The following ZNF831 variants were observed in gnomAD, a reference collection of about 807,000 sequenced individuals.
ZNF831 encodes the protein zinc finger protein 831, also known as chromosome 20 open reading frame 174.
Under a neutral mutation model 95.8 loss-of-function variants are expected in ZNF831, and 59 were observed. The ratio of observed to expected loss-of-function variants is 0.62; its 90% confidence interval spans 0.50 to 0.77. ZNF831 has a LOEUF of 0.77. Ranked by LOEUF, ZNF831 falls within the 30% of genes least tolerant of loss-of-function variation. The pLI is 0.00. For missense variants in ZNF831, 2,205 were observed against 2,164.0 expected (o/e 1.02, Z -0.38); for synonymous variants, 961 against 925.5 (o/e 1.04, Z -0.70).
intron 2 of ZNF831, among the ~76,000 whole-genome samples, chr20:59,149,551 A>C (rs1351521705): frequency 2.6e-5 from 4 of 152,236 alleles, no homozygotes; most frequent in Non-Finnish European, 4.4e-5. Flanking sequence ...TATTGATCTT[A>C]CTATAAAATA....
At chr20:59,253,869 C>CCGT in intron 5 of ZNF831, 29 bp from the exon 6 acceptor site, 1 of 1,067,574 alleles carries the variant, frequency 9.4e-7, no homozygotes, top group Non-Finnish European at 1.2e-6. Flanking sequence ...TCCCCCCCCA[C>CCGT]TTTTTTTTTC....
At position 59,164,468 on chromosome 20, in the gene ZNF831, T is replaced by C. The variant is rs1409717436; in HGVS notation, c.-37+261T>C. Among the ~76,000 whole-genome samples the C allele has an allele frequency of 1.5e-4, 23 of 152,204 alleles. 1 individual carries two copies. Among genetic ancestry groups the C allele is most frequent in the Non-Finnish European group, 4.4e-5 (3 of 68,022 alleles). Reference sequence around the variant, plus strand: ...CCATGTTCTACTAAACAGAAAAACATTTATAAGAAAATTTATTGCTTTATA... The same window carrying C: ...CCATGTTCTACTAAACAGAAAAACACTTATAAGAAAATTTATTGCTTTATA... On this transcript the variant is annotated intron_variant, in intron 1 of 5. Coordinates refer to ENST00000371030, the MANE Select transcript of ZNF831 (RefSeq NM_178457.3).
chr20:59,211,049 G>GAA (rs529852271), intron 4 of ZNF831, among the ~76,000 whole-genome samples: 10 of 60,746 alleles, frequency 1.6e-4, no homozygotes, highest in Admixed American at 5.4e-4. Flanking sequence ...CAAAAAAAAA[G>GAA]AAAAAAAAAA....
At chr20:59,238,487 G>A (rs906691638) in intron 4 of ZNF831, among the ~76,000 whole-genome samples, 80 of 152,244 alleles carry the variant, frequency 5.3e-4, no homozygotes, top group African/African-American at 1.8e-3. Context: ...AAGACCTGGG[G>A]CACTTTAGCC....
At chr20:59,232,797 C>T (rs545854447) in intron 4 of ZNF831, among the ~76,000 whole-genome samples, 1 of 152,218 alleles carries the variant, frequency 6.6e-6, no homozygotes, top group Admixed American at 6.5e-5. Flanking sequence ...AGCCACGGAC[C>T]ACAGATGAGT....
rs2146573765 is a variant in ZNF831 at position 59,192,892 on chromosome 20, G to A, written c.1873G>A (p.Asp625Asn). Residue 625 changes from aspartate to asparagine, a missense_variant, in exon 2 of 6, where the codon GAT becomes AAT. Physicochemically the swap from Asp to Asn is conservative, Grantham distance 23 (BLOSUM62 1). Coordinates refer to ENST00000371030, the MANE Select transcript of ZNF831 (RefSeq NM_178457.3). The surrounding 1 kb of genome is among the most constrained non-coding windows in gnomAD (Gnocchi z 5.2). ...FSQEKWQVYG[D>N]ETFKRIYQKM... ...CCAGGAGAAGTGGCAGGTGTACGGG[G>A]ATGAGACGTTCAAAAGGATCTACCA... 4 of 1,596,828 alleles carry A rather than the reference G, an allele frequency of 2.5e-6. No individual in the cohort carries two copies. The highest frequency in any genetic ancestry group is 3.4e-6 in the Non-Finnish European group (4 of 1,172,604).
intron 4 of ZNF831, among the ~76,000 whole-genome samples, chr20:59,212,189 T>C (rs1357840564): frequency 6.6e-6 from 1 of 152,168 alleles, no homozygotes; most frequent in Non-Finnish European, 1.5e-5. Context: ...GAGAGAGTTT[T>C]TTAAAAAAAT....
chr20:59,176,322 G>A (rs1982154508), intron 1 of ZNF831, among the ~76,000 whole-genome samples: 1 of 152,248 alleles, frequency 6.6e-6, no homozygotes, highest in Non-Finnish European at 1.5e-5. Flanking sequence ...GGAGGTGGAG[G>A]AAGGGATTGA....
At chr20:59,145,304 G>T (rs1471267906) in intron 1 of ZNF831, among the ~76,000 whole-genome samples, 10 of 152,198 alleles carry the variant, frequency 6.6e-5, no homozygotes, top group African/African-American at 2.4e-4. Flanking sequence ...GTGTGTTTGT[G>T]TGTGTCATTG....
chr20:59,148,918 A>G (rs1157597142), intron 2 of ZNF831, among the ~76,000 whole-genome samples: 3 of 152,068 alleles, frequency 2.0e-5, no homozygotes, highest in Non-Finnish European at 4.4e-5. Context: ...ATCCTTCCCC[A>G]GAGCATCTTG....
upstream of ZNF831, among the ~76,000 whole-genome samples, chr20:59,161,984 G>A (rs948512726): frequency 6.6e-6 from 1 of 152,134 alleles, no homozygotes; most frequent in Non-Finnish European, 1.5e-5. Flanking sequence ...GTATCTCATT[G>A]TGGTTTTGAT....
chr20:59,160,038 C>G (rs568845928), upstream of ZNF831: 1 of 152,458 alleles, frequency 6.6e-6, no homozygotes, highest in African/African-American at 2.4e-5. Context: ...CCAGGCACAG[C>G]CAAGGCAGAG....
At chr20:59,171,451 T>C (rs1377133427) in intron 1 of ZNF831, among the ~76,000 whole-genome samples, 1 of 152,264 alleles carries the variant, frequency 6.6e-6, no homozygotes, top group Non-Finnish European at 1.5e-5. Flanking sequence ...GTGAACTTTC[T>C]TACAACAGAA....
Position 59,191,834 on chromosome 20 carries a change from C to T in ZNF831, c.815C>T (p.Ala272Val), listed in dbSNP as rs777486723. The T allele has an allele frequency of 1.9e-6, 3 of 1,613,496 alleles. No individual in the cohort carries two copies. In the South Asian group the frequency reaches 3.3e-5, roughly 18 times the overall value. ...RTEAAPCPGS[A>V]FADREAPWDS... ...GAAGCTGCTCCCTGTCCAGGGTCCG[C>T]ATTTGCCGACAGAGAGGCTCCTTGG... is the stretch of plus-strand genomic sequence containing the variant. Residue 272 changes from alanine to valine, a missense_variant, in exon 2 of 6, where the codon GCA (alanine) becomes GTA (valine). By Grantham distance (64) the Ala-to-Val change is moderately conservative. Coordinates refer to ENST00000371030, the MANE Select transcript of ZNF831 (RefSeq NM_178457.3).
At chr20:59,126,656 C>A (rs1178667183) in intron 1 of ZNF831, among the ~76,000 whole-genome samples, 1 of 152,230 alleles carries the variant, frequency 6.6e-6, no homozygotes, top group South Asian at 2.1e-4. Context: ...TCCATGGCGC[C>A]CCGTTTCCAT....
At chr20:59,149,303 T>C (rs998013321) in intron 2 of ZNF831, among the ~76,000 whole-genome samples, 12 of 152,198 alleles carry the variant, frequency 7.9e-5, no homozygotes, top group African/African-American at 2.9e-4. Flanking sequence ...TGTTAATCCT[T>C]GGGCCCAGTC....
At chr20:59,201,449 G>T (rs1034477969) in intron 3 of ZNF831, among the ~76,000 whole-genome samples, 7 of 152,044 alleles carry the variant, frequency 4.6e-5, no homozygotes, top group African/African-American at 1.7e-4. Flanking sequence ...TCTTTTAGTA[G>T]CATCTTTTAA....
rs946842345 is a variant in ZNF831, at chr20:59,148,455, G to A, written c.-1281+2081G>A. On this transcript the variant is annotated intron_variant, in intron 2 of 7. Transcript: ENST00000637017. Reference sequence around the variant, plus strand: ...CCAGCACTTTGGGAGGCCGAGACGGGCAGATCACGAGGTCAGGAGATCGAG... The same window carrying A: ...CCAGCACTTTGGGAGGCCGAGACGGACAGATCACGAGGTCAGGAGATCGAG... Among the ~76,000 whole-genome samples the A allele has an allele frequency of 4.3e-5, 5 of 117,008 alleles. 1 individual carries two copies. The highest frequency in any genetic ancestry group is 7.6e-5 in the Non-Finnish European group (4 of 52,914). The allele number at this position is 117,008 out of a possible 152,430, so 76.8% of individuals were successfully genotyped here. A position where few individuals can be genotyped will look rare whatever the true frequency, so the allele number is the denominator to read the frequency against.
Position 59,217,162 on chromosome 20 carries a change from C to G in ZNF831, c.4027+10106C>G, listed in dbSNP as rs370871329. Among the ~76,000 whole-genome samples, 627 of 148,738 alleles carry G rather than the reference C, an allele frequency of 4.2e-3. 8 individuals carry two copies. Among genetic ancestry groups the G allele is most frequent in the African/African-American group, 0.014 (563 of 40,268 alleles). On this transcript the variant is annotated intron_variant, in intron 4 of 5. Transcript: ENST00000371030. The surrounding 1 kb of genome is among the most constrained non-coding windows in gnomAD (Gnocchi z 4.4). ...GAGTACATCTGACAGATCTTCATCT[C>G]TGTGTGTGTGTGTGTGTGTGTGTGT...
Sources: gnomAD v4.1 joint callset for allele counts (sites outside exome capture counted in the v4.1 genomes callset) on GRCh38, gnomAD v4.1.1 for gene constraint, Gnocchi (gnomAD v3.1) non-coding constraint, MANE v1.5 for transcripts, NCBI Gene and HGNC (gene_info 2026-07-23, HGNC 2026-07-21) for gene names.